HACE1: variants seen among roughly 807,000 people sequenced by gnomAD.
HACE1 encodes the protein E3 ubiquitin-protein ligase HACE1.
HACE1 carries 73 observed loss-of-function variants against 118.4 expected under a neutral mutation model. That is an observed-to-expected ratio of 0.62 (90% confidence interval 0.51 to 0.75). The LOEUF is 0.75. HACE1 is among the 30% of genes least tolerant of loss of function. The probability of loss-of-function intolerance (pLI) is 0.00; values close to 1 mark genes in which losing one functional copy is unlikely to be tolerated. For missense variants in HACE1, 749 were observed against 1,102.2 expected (o/e 0.68, Z 4.54); for synonymous variants, 368 against 374.8 (o/e 0.98, Z 0.21).
At chr6:104,848,263 C>T (rs1379213275) in intron 4 of HACE1, among the ~76,000 whole-genome samples, 2 of 151,196 alleles carry the variant, frequency 1.3e-5, no homozygotes, top group Non-Finnish European at 3.0e-5. Flanking sequence ...CGAGACCATC[C>T]TGGCCAACAT....
At chr6:104,762,250 G>A (rs571923104) in intron 19 of HACE1, among the ~76,000 whole-genome samples, 7 of 152,250 alleles carry the variant, frequency 4.6e-5, no homozygotes, top group African/African-American at 7.2e-5. Flanking sequence ...ACACGCACAC[G>A]TATGTTTACT....
chr6:104,810,588 T>C (rs1481318412), intron 7 of HACE1, among the ~76,000 whole-genome samples: 4 of 152,212 alleles, frequency 2.6e-5, no homozygotes, highest in Middle Eastern at 3.4e-3. Context: ...TTTTTACATA[T>C]GTGTGTGGGT....
chr6:104,810,250 C>G (rs185356123), intron 7 of HACE1, among the ~76,000 whole-genome samples: 2 of 151,906 alleles, frequency 1.3e-5, no homozygotes, highest in Non-Finnish European at 2.9e-5. Flanking sequence ...TCAGAAAGAT[C>G]TGGAAGTCTA....
chr6:104,763,006 A>G (rs1779575462), intron 19 of HACE1, among the ~76,000 whole-genome samples: 1 of 151,586 alleles, frequency 6.6e-6, no homozygotes, highest in South Asian at 2.1e-4. Flanking sequence ...AAAAAAAAAA[A>G]AAAAAGAATC....
intron 5 of HACE1, among the ~76,000 whole-genome samples, chr6:104,838,479 A>G (rs1774764891): frequency 6.6e-6 from 1 of 152,116 alleles, no homozygotes; most frequent in Non-Finnish European, 1.5e-5. Context: ...TCTTCAATAA[A>G]TGGTGCGGGA....
intron 22 of HACE1, among the ~76,000 whole-genome samples, chr6:104,742,531 C>A (rs1390907206): frequency 6.6e-6 from 1 of 152,042 alleles, no homozygotes; most frequent in Non-Finnish European, 1.5e-5. Context: ...CAAAAGAAGA[C>A]ATTTATGCAG....
At chr6:104,756,605 G>A (rs1232511138) in intron 19 of HACE1, among the ~76,000 whole-genome samples, 1 of 151,996 alleles carries the variant, frequency 6.6e-6, no homozygotes, top group Non-Finnish European at 1.5e-5. Context: ...AACAGCTCTG[G>A]TCTACAGCTC....
intron 22 of HACE1, among the ~76,000 whole-genome samples, chr6:104,743,417 T>C (rs1777050980): frequency 6.6e-6 from 1 of 151,998 alleles, no homozygotes; most frequent in African/African-American, 2.4e-5. Flanking sequence ...AAATTGTTTA[T>C]AGTGGTTATG....
chr6:104,818,408 C>G (rs945948093), intron 6 of HACE1, among the ~76,000 whole-genome samples: 2 of 151,838 alleles, frequency 1.3e-5, no homozygotes, highest in Non-Finnish European at 2.9e-5. Context: ...AGCCTGCCAA[C>G]CAAAAAAAGC....
intron 22 of HACE1, among the ~76,000 whole-genome samples, chr6:104,733,788 T>C (rs1311131086): frequency 6.7e-6 from 1 of 149,458 alleles, no homozygotes; most frequent in East Asian, 1.9e-4. Context: ...TGCAGTGAGC[T>C]GAGATCAACC....
intron 7 of HACE1, among the ~76,000 whole-genome samples, chr6:104,797,933 T>C (rs552759252): frequency 6.6e-6 from 1 of 151,904 alleles, no homozygotes; most frequent in Admixed American, 6.6e-5. Context: ...CTGGGCATGG[T>C]AGCCGGTGCC....
intron 9 of HACE1, 121 bp downstream of exon 9, chr6:104,796,534 A>C: frequency 1.4e-6 from 1 of 699,434 alleles, no homozygotes; most frequent in South Asian, 1.5e-5. Context: ...AGATAAGCTA[A>C]TTATTAAGAT....
intron 1 of HACE1, among the ~76,000 whole-genome samples, chr6:104,857,856 C>G (rs1776889927): frequency 6.6e-6 from 1 of 150,926 alleles, no homozygotes; most frequent in Non-Finnish European, 1.5e-5. Flanking sequence ...ACTGGGAAGG[C>G]TGAGGCAGGA....
intron 20 of HACE1, among the ~76,000 whole-genome samples, chr6:104,746,234 CTTTTG>C (rs1178518889): frequency 6.6e-6 from 1 of 152,118 alleles, no homozygotes; most frequent in African/African-American, 2.4e-5. Context: ...AACAAAAACT[CTTTTG>C]TTTTAAGGGG....
At chr6:104,807,197 T>C (rs1771106442) in intron 7 of HACE1, among the ~76,000 whole-genome samples, 1 of 152,044 alleles carries the variant, frequency 6.6e-6, no homozygotes, top group Admixed American at 6.6e-5. Context: ...CTAATTTTTG[T>C]ATTTTTAGTA....
chr6:104,836,790 C>T (rs1323793073), intron 5 of HACE1, among the ~76,000 whole-genome samples: 1 of 152,034 alleles, frequency 6.6e-6, no homozygotes, highest in African/African-American at 2.4e-5. Flanking sequence ...AGCAATTTGC[C>T]CAAAGTCCCC....
In HACE1 at chr6:104,832,979, T is replaced by A. The variant is rs190930381; in HGVS notation, c.534+63A>T. 476 of 1,475,524 alleles carry A rather than the reference T, an allele frequency of 3.2e-4. 5 individuals carry two copies. The highest frequency in any genetic ancestry group is 5.2e-4 in the Admixed American group (31 of 59,792). 91.4% of individuals were successfully genotyped at this position (1,475,524 alleles called of 1,614,324 possible). On this transcript the variant is annotated intron_variant, in intron 6 of 23. Coordinates refer to ENST00000262903, the MANE Select transcript of HACE1 (RefSeq NM_020771.4). ...TCCCAAATATGCACAATGAAAAACT[T>A]TTCATGAAATCAATTTTAAAAAACA...
At chr6:104,738,701 C>A (rs1181736380) in intron 22 of HACE1, among the ~76,000 whole-genome samples, 1 of 149,330 alleles carries the variant, frequency 6.7e-6, no homozygotes, top group Non-Finnish European at 1.5e-5. Context: ...ATTGGTGGAC[C>A]TGAAAGTGAT....
chr6:104,787,882 A>G (rs6900902), intron 11 of HACE1, among the ~76,000 whole-genome samples: 63,459 of 151,870 alleles, frequency 0.42, 14,216 homozygotes, highest in African/African-American at 0.59. Context: ...GAAGAATGAG[A>G]AAAAAAATAA....
Sources: allele counts gnomAD v4.1 joint callset (sites outside exome capture counted in the v4.1 genomes callset), GRCh38; gene constraint gnomAD v4.1.1; transcripts MANE v1.5; gene names NCBI Gene and HGNC (gene_info 2026-07-23, HGNC 2026-07-21).